Variants in RBMS1 observed in about 807,000 individuals in gnomAD.
RBMS1 encodes RNA-binding motif, single-stranded-interacting protein 1.
Under a neutral mutation model 62.3 loss-of-function variants are expected in RBMS1, and 17 were observed. The ratio of observed to expected loss-of-function variants is 0.27; its 90% CI spans 0.19 to 0.41. RBMS1 has a LOEUF of 0.41. RBMS1 is among the 10% of genes least tolerant of loss of function. RBMS1 has a pLI of 1.00. For missense variants in RBMS1, 334 were observed against 504.5 expected, an observed-to-expected ratio of 0.66 and a Z score of 3.24; for synonymous variants, 172 against 170.0, an observed-to-expected ratio of 1.01 and a Z score of -0.09.
At chr2:160,466,736 A>G (rs1042304079) in intron 1 of RBMS1, among the ~76,000 whole-genome samples, 8 of 152,238 alleles carry the variant, frequency 5.3e-5, no homozygotes, top group African/African-American at 1.7e-4. Context: ...AAAAGGAGAT[A>G]AAGAAAAACA....
At chr2:160,316,627 G>A (rs1259417186) in intron 3 of RBMS1, among the ~76,000 whole-genome samples, 1 of 152,152 alleles carries the variant, frequency 6.6e-6, no homozygotes, top group East Asian at 1.9e-4. Context: ...GGTTGCTTTT[G>A]GAGCAGAGTG....
chr2:160,472,305 A>AAT (rs1553532709), intron 1 of RBMS1, among the ~76,000 whole-genome samples: 17 of 152,174 alleles, frequency 1.1e-4, no homozygotes, highest in Admixed American at 1.0e-3. Flanking sequence ...CTACATTAAA[A>AAT]ATATATATAT....
intron 1 of RBMS1, among the ~76,000 whole-genome samples, chr2:160,433,866 G>C (rs1303540668): frequency 6.6e-6 from 1 of 152,208 alleles, no homozygotes; most frequent in Non-Finnish European, 1.5e-5. Context: ...TTTCAAAGCA[G>C]TTTGGAATAT....
intron 6 of RBMS1, among the ~76,000 whole-genome samples, chr2:160,298,256 CACTA>C (rs1353872805): frequency 6.6e-6 from 1 of 152,050 alleles, no homozygotes; most frequent in Non-Finnish European, 1.5e-5. Context: ...ATACTGGTTC[CACTA>C]ACTGAGAGCA....
chr2:160,351,806 G>A (rs536770851), intron 2 of RBMS1, among the ~76,000 whole-genome samples: 2 of 152,096 alleles, frequency 1.3e-5, no homozygotes, highest in Admixed American at 6.5e-5. Flanking sequence ...TAAAAATAAC[G>A]ATTGCTATAC....
intron 1 of RBMS1, among the ~76,000 whole-genome samples, chr2:160,399,843 G>GA (rs887268338): frequency 1.3e-5 from 2 of 151,438 alleles, no homozygotes; most frequent in Non-Finnish European, 2.9e-5. Flanking sequence ...CGATAACTAA[G>GA]AAAAAAAGGG....
At chr2:160,299,171 G>A (rs1689086609) in intron 6 of RBMS1, among the ~76,000 whole-genome samples, 2 of 152,150 alleles carry the variant, frequency 1.3e-5, no homozygotes, top group South Asian at 2.1e-4. Context: ...TCAGATTGGA[G>A]AGAGTGATGC....
intron 1 of RBMS1, among the ~76,000 whole-genome samples, chr2:160,426,272 AGAAAGAAAGAAAGAAAGAAAAGAAAGAAG>A (rs1682590492): frequency 2.4e-5 from 3 of 127,328 alleles, no homozygotes; most frequent in African/African-American, 9.0e-5. Context: ...AAAGAAAGAA[AGAAAGAAAGAAAGAAAGAAAAGAAAGAAG>A]GAAGGAAGGA....
intron 1 of RBMS1, among the ~76,000 whole-genome samples, chr2:160,448,736 C>T (rs1026363656): frequency 1.3e-5 from 2 of 151,978 alleles, no homozygotes; most frequent in Admixed American, 6.5e-5. Context: ...AAGTGAGGAG[C>T]GTCTCTGCCT....
At chr2:160,326,050 G>T (rs1214416335) in intron 2 of RBMS1, among the ~76,000 whole-genome samples, 1 of 152,130 alleles carries the variant, frequency 6.6e-6, no homozygotes, top group Non-Finnish European at 1.5e-5. Context: ...ATGAATAAAA[G>T]ATTCCTGGTG....
At chr2:160,354,883 C>G (rs1429415884) in intron 2 of RBMS1, among the ~76,000 whole-genome samples, 17 of 152,066 alleles carry the variant, frequency 1.1e-4, no homozygotes, top group Non-Finnish European at 2.9e-5. Flanking sequence ...GTCCATGTGC[C>G]CTGGCAGCAC....
chr2:160,330,684 T>G (rs1054586719), intron 2 of RBMS1, among the ~76,000 whole-genome samples: 1 of 149,404 alleles, frequency 6.7e-6, no homozygotes, highest in Admixed American at 6.7e-5. Context: ...AACTAAAATA[T>G]AGGTTGCACT....
chr2:160,460,810 A>T (rs1684429795), intron 1 of RBMS1, among the ~76,000 whole-genome samples: 1 of 152,230 alleles, frequency 6.6e-6, no homozygotes, highest in Non-Finnish European at 1.5e-5. Context: ...TTTTCTCCCC[A>T]GTCCCTAAGC....
At chr2:160,420,357 G>A (rs1007388008) in intron 1 of RBMS1, among the ~76,000 whole-genome samples, 1 of 151,976 alleles carries the variant, frequency 6.6e-6, no homozygotes, top group Admixed American at 6.6e-5. Context: ...TCATCCCTCC[G>A]TTTACTCTGT....
intron 1 of RBMS1, among the ~76,000 whole-genome samples, chr2:160,459,351 A>G (rs897550565): frequency 1.3e-5 from 2 of 152,324 alleles, no homozygotes; most frequent in South Asian, 2.1e-4. Context: ...TTCTGCTTCT[A>G]AGATTTACAT....
In RBMS1 at chr2:160,336,411, C is replaced by T. The variant is rs916672538; in HGVS notation, c.252-18184G>A. Among the ~76,000 whole-genome samples the T allele has an allele frequency of 2.6e-5, 4 of 152,076 alleles. No individual in the cohort carries two copies. In the East Asian group the frequency reaches 7.7e-4, roughly 29 times the overall value. Reference sequence around the variant, plus strand: ...TTTAGCGGGGAGACAACCCATGCCTCTAAGAAAGAGGGAACAGGATATTGT... The same window carrying T: ...TTTAGCGGGGAGACAACCCATGCCTTTAAGAAAGAGGGAACAGGATATTGT... On this transcript the variant is annotated intron_variant, in intron 2 of 13. Coordinates refer to ENST00000348849, the MANE Select transcript of RBMS1 (RefSeq NM_016836.4).
chr2:160,441,293 T>C (rs752229492), intron 1 of RBMS1, among the ~76,000 whole-genome samples: 22 of 152,264 alleles, frequency 1.4e-4, no homozygotes, highest in Admixed American at 3.3e-4. Flanking sequence ...TGTTTCCAGT[T>C]TGGGGCTTTA....
intron 2 of RBMS1, among the ~76,000 whole-genome samples, chr2:160,321,039 G>A (rs1017255787): frequency 1.3e-5 from 2 of 151,984 alleles, no homozygotes; most frequent in African/African-American, 2.4e-5. Context: ...AAACCAAACA[G>A]AAGAAAGGCT....
chr2:160,357,260 G>A (rs935423344), intron 2 of RBMS1, among the ~76,000 whole-genome samples: 4 of 151,948 alleles, frequency 2.6e-5, no homozygotes, highest in East Asian at 1.9e-4. Context: ...TTCCAGTGCC[G>A]GCTCCCCAAT....
Sources: gnomAD v4.1 joint callset for allele counts (sites outside exome capture counted in the v4.1 genomes callset) on GRCh38, gnomAD v4.1.1 for gene constraint, MANE v1.5 for transcripts, NCBI Gene and HGNC (gene_info 2026-07-23, HGNC 2026-07-21) for gene names.